FNDC3B: variants seen among roughly 807,000 people sequenced by gnomAD.
FNDC3B encodes fibronectin type III domain-containing protein 3B.
A neutral mutation model predicts 151.5 loss-of-function variants in FNDC3B; 12 were observed. That is an observed-to-expected ratio of 0.08 (90% CI 0.05 to 0.13). The LOEUF is 0.13. FNDC3B is among the 10% of genes least tolerant of loss of function. The pLI, the probability that FNDC3B is intolerant of heterozygous loss-of-function variation, is 1.00. For synonymous variants in FNDC3B, 528 were observed against 549.0 expected (o/e 0.96, Z 0.54); for missense variants, 1,214 against 1,505.3 (o/e 0.81, Z 3.20).
intron 3 of FNDC3B, among the ~76,000 whole-genome samples, chr3:172,179,680 G>T (rs1723783176): frequency 6.6e-6 from 1 of 151,776 alleles, no homozygotes; most frequent in African/African-American, 2.4e-5. Context: ...CCAGGAGTTT[G>T]ATGTTAGCCT....
chr3:172,224,374 T>C (rs1399357348), intron 3 of FNDC3B, among the ~76,000 whole-genome samples: 3 of 152,248 alleles, frequency 2.0e-5, no homozygotes, highest in African/African-American at 4.8e-5. Context: ...TGCTTTAAAT[T>C]ATTGCCAATG....
intron 7 of FNDC3B, among the ~76,000 whole-genome samples, chr3:172,294,983 A>C (rs1266755233): frequency 6.6e-6 from 1 of 152,210 alleles, no homozygotes; most frequent in Non-Finnish European, 1.5e-5. Context: ...GCTTTGAAGA[A>C]TGATTTGACA....
rs557416626 is a variant in FNDC3B at position 172,382,450 on chromosome 3, G to A, written c.3303+1357G>A. ...TCACTCTGATGATAGTTTCTTTGCTGTGCAGAAGCTCTTTAGTTTAATTAG... is the reference window on the plus strand; with the variant it reads ...TCACTCTGATGATAGTTTCTTTGCTATGCAGAAGCTCTTTAGTTTAATTAG... On this transcript the variant is annotated intron_variant, in intron 25 of 25. Coordinates refer to ENST00000415807, the MANE Select transcript of FNDC3B (RefSeq NM_022763.4). 2.0e-5 allele frequency among the ~76,000 whole-genome samples: 3 copies of A among 152,266 alleles called. No individual in the cohort carries two copies. The South Asian group carries it at 6.2e-4, about 32-fold the overall frequency.
chr3:172,045,272 C>G (rs1716304097), intron 1 of FNDC3B, among the ~76,000 whole-genome samples: 1 of 152,214 alleles, frequency 6.6e-6, no homozygotes, highest in African/African-American at 2.4e-5. Flanking sequence ...TTTTACCCCA[C>G]TCCTAATGGA....
chr3:172,079,085 G>A lies in FNDC3B; in HGVS notation c.-28-33367G>A, dbSNP rs556427809. Among the ~76,000 whole-genome samples the A allele has an allele frequency of 3.3e-5, 5 of 152,194 alleles. No homozygotes were observed. In the East Asian group the frequency reaches 9.7e-4, roughly 29 times the overall value. Reference sequence around the variant, plus strand: ...TGGTAGAGACTGACATTTATATAAGGTCAGTGTTGGTTGACCTAGTTTGAT... The same window carrying A: ...TGGTAGAGACTGACATTTATATAAGATCAGTGTTGGTTGACCTAGTTTGAT... On this transcript the variant is annotated intron_variant, in intron 1 of 25. Transcript: ENST00000415807.
intron 6 of FNDC3B, among the ~76,000 whole-genome samples, chr3:172,275,634 A>G (rs1043946009): frequency 6.6e-6 from 1 of 152,204 alleles, no homozygotes; most frequent in Non-Finnish European, 1.5e-5. Flanking sequence ...GAGAGCTTCT[A>G]TTCCTCAGAG....
chr3:172,232,874 A>G (rs4622921), intron 4 of FNDC3B, among the ~76,000 whole-genome samples: 38,728 of 152,086 alleles, frequency 0.25, 5,073 homozygotes, highest in East Asian at 0.44. Context: ...TGGTAGAGGT[A>G]AGAATTAGGA....
chr3:172,186,879 C>A, intron 3 of FNDC3B: 2 of 577,904 alleles, frequency 3.5e-6, no homozygotes, highest in South Asian at 4.4e-5. Context: ...GGCCCACAGT[C>A]AGTTCTGTGA....
In FNDC3B at chr3:172,398,210, C is replaced by A. The variant is rs1169848976; in HGVS notation, c.*735C>A. Reference sequence around the variant, plus strand: ...GCAGTAACTTTAAGAGGGCATTGTGCAATAGTTAGTTGTTTTCTTGTTCAG... The same window carrying A: ...GCAGTAACTTTAAGAGGGCATTGTGAAATAGTTAGTTGTTTTCTTGTTCAG... On this transcript the variant is annotated 3_prime_UTR_variant, in exon 26 of 26. Transcript: ENST00000415807. 1 of 152,552 alleles carries A rather than the reference C, an allele frequency of 6.6e-6. No homozygotes were observed. The highest frequency in any genetic ancestry group is 6.5e-5 in the Admixed American group (1 of 15,270). 9.4% of individuals were successfully genotyped at this position (152,552 alleles called of 1,614,324 possible).
intron 1 of FNDC3B, among the ~76,000 whole-genome samples, chr3:172,089,741 G>T (rs1296168983): frequency 6.6e-6 from 1 of 152,114 alleles, no homozygotes; most frequent in Non-Finnish European, 1.5e-5. Context: ...AAATCTCAGT[G>T]TCGATTCATT....
At chr3:172,390,475 A>G (rs867582581) in intron 25 of FNDC3B, among the ~76,000 whole-genome samples, 1 of 151,956 alleles carries the variant, frequency 6.6e-6, no homozygotes, top group African/African-American at 2.4e-5. Flanking sequence ...AAATTAATAT[A>G]TGAAGTCTTT....
intron 2 of FNDC3B, among the ~76,000 whole-genome samples, chr3:172,128,143 C>T (rs150433970): frequency 7.6e-4 from 115 of 152,262 alleles, no homozygotes; most frequent in African/African-American, 2.6e-3. Context: ...ACCCTTGGAC[C>T]TTGAGTTCCC....
intron 1 of FNDC3B, among the ~76,000 whole-genome samples, chr3:172,061,181 C>T (rs974629612): frequency 1.3e-5 from 2 of 151,854 alleles, no homozygotes; most frequent in Non-Finnish European, 2.9e-5. Context: ...TTATTCTAAA[C>T]TCATGAAGTG....
Position 172,070,899 on chromosome 3 carries a change from C to T in FNDC3B, c.-29+31128C>T, listed in dbSNP as rs116211711. ...AGTATTTTTTTCAGATAAGTTCTTT[C>T]GGAAATATATTTTCATCTAATTTAA... On this transcript the variant is annotated intron_variant, in intron 1 of 25. Coordinates refer to ENST00000415807, the MANE Select transcript of FNDC3B (RefSeq NM_022763.4). Among the ~76,000 whole-genome samples the T allele has an allele frequency of 3.2e-3, 489 of 152,082 alleles. 4 individuals are homozygous for T. The highest frequency in any genetic ancestry group is 6.2e-3 in the South Asian group (30 of 4,816).
At chr3:172,362,428 ATT>A (rs11333442) in intron 22 of FNDC3B, among the ~76,000 whole-genome samples, 299 of 150,822 alleles carry the variant, frequency 2.0e-3, no homozygotes, top group African/African-American at 6.5e-3. Flanking sequence ...CTTTTTTGCT[ATT>A]TTTTTTTTAA....
intron 6 of FNDC3B, among the ~76,000 whole-genome samples, chr3:172,265,331 G>A (rs917414431): frequency 2.6e-5 from 4 of 152,180 alleles, no homozygotes; most frequent in African/African-American, 9.7e-5. Flanking sequence ...ACAGTAAAAT[G>A]TTTAGGGAGA....
chr3:172,247,445 G>A (rs1046528894), intron 4 of FNDC3B, 88 bp from the exon 5 acceptor site: 48 of 1,412,778 alleles, frequency 3.4e-5, no homozygotes, highest in Non-Finnish European at 4.5e-5. Flanking sequence ...GAAGAGAAAA[G>A]TAAAATTAAA....
At chr3:172,123,881 C>T (rs554260335) in intron 2 of FNDC3B, among the ~76,000 whole-genome samples, 2 of 152,242 alleles carry the variant, frequency 1.3e-5, no homozygotes, top group African/African-American at 4.8e-5. Flanking sequence ...AAATCAGATA[C>T]TAGGTTTATC....
intron 8 of FNDC3B, among the ~76,000 whole-genome samples, chr3:172,296,497 C>T: frequency 6.6e-6 from 1 of 152,192 alleles, no homozygotes; most frequent in East Asian, 1.9e-4. Flanking sequence ...CCTCAGGAGT[C>T]TCCTGCAGGT....
Sources: allele counts gnomAD v4.1 joint callset (sites outside exome capture counted in the v4.1 genomes callset), GRCh38; gene constraint gnomAD v4.1.1; transcripts MANE v1.5; gene names NCBI Gene and HGNC (gene_info 2026-07-23, HGNC 2026-07-21).